The following PARD3 variants were observed in gnomAD, a reference collection of about 807,000 sequenced individuals.
PARD3 encodes partitioning defective 3 homolog.
Under a neutral mutation model 155.4 loss-of-function variants are expected in PARD3, and 75 were observed. That is an observed-to-expected ratio of 0.48 (90% CI 0.40 to 0.58). The LOEUF (loss-of-function observed/expected upper bound fraction) is 0.58, where lower values mean the gene tolerates loss of function less well. Ranked by LOEUF, PARD3 falls within the 20% of genes least tolerant of loss-of-function variation. The probability of loss-of-function intolerance (pLI) is 0.00; values close to 1 mark genes in which losing one functional copy is unlikely to be tolerated. For missense variants in PARD3, 1,642 were observed against 1,721.7 expected (o/e 0.95, Z 0.82); for synonymous variants, 576 against 610.5 (o/e 0.94, Z 0.83).
At chr10:34,193,683 C>T (rs1161722484) in intron 22 of PARD3, among the ~76,000 whole-genome samples, 2 of 152,190 alleles carry the variant, frequency 1.3e-5, no homozygotes, top group East Asian at 3.8e-4. Flanking sequence ...ACTTTCGCTT[C>T]AGTTAATTGG....
At chr10:34,171,942 C>G (rs954042817) in intron 22 of PARD3, among the ~76,000 whole-genome samples, 2 of 94,906 alleles carry the variant, frequency 2.1e-5, no homozygotes, top group African/African-American at 9.0e-5. Flanking sequence ...AGAGATGAGA[C>G]TCCATCTCAA....
chr10:34,554,615 A>G (rs988029166), intron 2 of PARD3, among the ~76,000 whole-genome samples: 40 of 152,380 alleles, frequency 2.6e-4, no homozygotes, highest in African/African-American at 9.1e-4. Context: ...TAAATCTAGC[A>G]GTTACAAATA....
intron 19 of PARD3, among the ~76,000 whole-genome samples, chr10:34,320,094 A>T (rs1958284518): frequency 6.6e-6 from 1 of 152,220 alleles, no homozygotes. Context: ...ACTGTGGGGC[A>T]AACAGCAGCT....
intron 1 of PARD3, among the ~76,000 whole-genome samples, chr10:34,774,488 C>T (rs1031335344): frequency 6.6e-6 from 1 of 152,010 alleles, no homozygotes; most frequent in Non-Finnish European, 1.5e-5. Context: ...CCAGAAGAAA[C>T]GCATCTGGCC....
intron 1 of PARD3, among the ~76,000 whole-genome samples, chr10:34,797,925 C>T (rs147336163): frequency 1.3e-5 from 2 of 152,238 alleles, no homozygotes; most frequent in East Asian, 3.9e-4. Flanking sequence ...AATTAACAGG[C>T]AGGAGAATTG....
intron 2 of PARD3, among the ~76,000 whole-genome samples, chr10:34,693,510 AAAT>A (rs1329366365): frequency 6.6e-6 from 1 of 152,222 alleles, no homozygotes; most frequent in African/African-American, 2.4e-5. Context: ...AGAGAAAACC[AAAT>A]AATGCATGAT....
chr10:34,747,496 G>A (rs775902611), intron 1 of PARD3, among the ~76,000 whole-genome samples: 1 of 152,204 alleles, frequency 6.6e-6, no homozygotes, highest in Non-Finnish European at 1.5e-5. Flanking sequence ...TAAATGCAAA[G>A]CCAAATCCTC....
chr10:34,225,175 A>G (rs1352541448), intron 22 of PARD3, among the ~76,000 whole-genome samples: 1 of 152,196 alleles, frequency 6.6e-6, no homozygotes, highest in Non-Finnish European at 1.5e-5. Context: ...CATCATGACA[A>G]TACTGGATTT....
intron 1 of PARD3, among the ~76,000 whole-genome samples, chr10:34,786,115 C>T (rs1049775850): frequency 8.5e-5 from 13 of 152,220 alleles, no homozygotes; most frequent in African/African-American, 3.1e-4. Context: ...GACATACAAA[C>T]GAAATCACAT....
chr10:34,313,778 G>A (rs1415713668), intron 20 of PARD3, among the ~76,000 whole-genome samples: 1 of 152,134 alleles, frequency 6.6e-6, no homozygotes, highest in African/African-American at 2.4e-5. Context: ...CAGGATGATG[G>A]GGGTAGGACA....
chr10:34,125,660 A>G lies in PARD3; in HGVS notation c.3540+5803T>C, dbSNP rs565955376. ...CTAAGAGGGCAGGGAGAGCTATTAA[A>G]GTCTGAAACAGGAAAAGGGAGAAAA... On this transcript the variant is annotated intron_variant, in intron 23 of 24. Coordinates refer to ENST00000374788, the MANE Select transcript of PARD3 (RefSeq NM_001184785.2). Among the ~76,000 whole-genome samples, 14 of 152,350 alleles carry G rather than the reference A, an allele frequency of 9.2e-5. No homozygotes were observed. The South Asian group carries it at 2.7e-3, about 29-fold the overall frequency.
intron 2 of PARD3, among the ~76,000 whole-genome samples, chr10:34,594,072 A>G (rs1293167234): frequency 6.6e-6 from 1 of 152,158 alleles, no homozygotes; most frequent in Non-Finnish European, 1.5e-5. Context: ...ATTATGACTT[A>G]TGCCTCTCCC....
chr10:34,345,347 TAG>T, intron 15 of PARD3: 1 of 985,378 alleles, frequency 1.0e-6, no homozygotes, highest in South Asian at 4.7e-5. Context: ...CCGTTTAGCC[TAG>T]AGTCCTACAT....
At chr10:34,752,060 G>T (rs1011711171) in intron 1 of PARD3, among the ~76,000 whole-genome samples, 4 of 151,882 alleles carry the variant, frequency 2.6e-5, no homozygotes, top group Non-Finnish European at 5.9e-5. Flanking sequence ...TTCCTAATTT[G>T]TTAACCTAAT....
chr10:34,474,918 CAT>C (rs1180674381), intron 3 of PARD3, among the ~76,000 whole-genome samples: 1 of 152,060 alleles, frequency 6.6e-6, no homozygotes, highest in Non-Finnish European at 1.5e-5. Context: ...TAGCCATAAA[CAT>C]ATATTGTAAG....
chr10:34,372,130 TGATTGAATCAA>T (rs1216242811), intron 12 of PARD3, among the ~76,000 whole-genome samples: 1 of 152,136 alleles, frequency 6.6e-6, no homozygotes, highest in Non-Finnish European at 1.5e-5. Context: ...TTTTTTTCCA[TGATTGAATCAA>T]GTTTTTTAAC....
At chr10:34,397,113 A>T (rs992619081) in intron 7 of PARD3, among the ~76,000 whole-genome samples, 2 of 152,246 alleles carry the variant, frequency 1.3e-5, no homozygotes, top group African/African-American at 4.8e-5. Flanking sequence ...TTGTCACAAC[A>T]GAAATGCTTG....
chr10:34,177,791 C>T (rs1159112140), intron 22 of PARD3, among the ~76,000 whole-genome samples: 1 of 152,218 alleles, frequency 6.6e-6, no homozygotes, highest in African/African-American at 2.4e-5. Flanking sequence ...CATATCCGCC[C>T]TTCCAGTTAC....
intron 22 of PARD3, among the ~76,000 whole-genome samples, chr10:34,267,341 A>G (rs1367290611): frequency 2.0e-5 from 3 of 152,184 alleles, no homozygotes; most frequent in Non-Finnish European, 4.4e-5. Context: ...ATCCTGACAT[A>G]TCTGTGGTTA....
Sources: allele counts gnomAD v4.1 joint callset (sites outside exome capture counted in the v4.1 genomes callset), GRCh38; gene constraint gnomAD v4.1.1; transcripts MANE v1.5; gene names NCBI Gene and HGNC (gene_info 2026-07-23, HGNC 2026-07-21).